MBOAT1: variants seen among roughly 807,000 people sequenced by gnomAD.
MBOAT1 encodes membrane bound glycerophospholipid O-acyltransferase 1.
MBOAT1 carries 67 observed loss-of-function variants against 64.4 expected under a neutral mutation model. The ratio of observed to expected loss-of-function variants is 1.04; its 90% CI spans 0.85 to 1.27. MBOAT1 has a LOEUF of 1.27. Ranked by LOEUF, MBOAT1 falls within the 50% of genes most tolerant of loss-of-function variation. MBOAT1 has a pLI of 0.00. For synonymous variants in MBOAT1, 229 were observed against 218.9 expected, an observed-to-expected ratio of 1.05 and a Z score of -0.41; for missense variants, 563 against 604.6, an observed-to-expected ratio of 0.93 and a Z score of 0.72.
intron 3 of MBOAT1, among the ~76,000 whole-genome samples, chr6:20,147,596 G>A (rs112926771): frequency 1.1e-4 from 17 of 150,802 alleles, no homozygotes; most frequent in African/African-American, 2.9e-4. Flanking sequence ...CCAAGATTGC[G>A]CCATCGCACT....
intron 4 of MBOAT1, among the ~76,000 whole-genome samples, chr6:20,134,347 T>C (rs889913962): frequency 6.6e-6 from 1 of 152,102 alleles, no homozygotes; most frequent in African/African-American, 2.4e-5. Flanking sequence ...AAAGCCATAC[T>C]GTCATTCCTC....
At chr6:20,184,716 C>T (rs1378496913) in intron 1 of MBOAT1, among the ~76,000 whole-genome samples, 1 of 152,104 alleles carries the variant, frequency 6.6e-6, no homozygotes, top group Non-Finnish European at 1.5e-5. Context: ...TCTTACCATT[C>T]TCCCTCTACT....
chr6:20,192,995 CTTTTTTTTTTTTTTTT>C (rs1174816793), intron 1 of MBOAT1, among the ~76,000 whole-genome samples: 3 of 55,046 alleles, frequency 5.4e-5, no homozygotes, highest in African/African-American at 1.9e-4. Flanking sequence ...GCTATAATTT[CTTTTTTTTTTTTTTTT>C]TTTTTTTTTT....
chr6:20,134,936 A>G (rs1760935526), intron 4 of MBOAT1, among the ~76,000 whole-genome samples: 1 of 150,264 alleles, frequency 6.7e-6, no homozygotes, highest in African/African-American at 2.5e-5. Context: ...AAAAAAATAC[A>G]AAACTCAGTA....
chr6:20,177,707 G>A (rs1242137776), intron 1 of MBOAT1, among the ~76,000 whole-genome samples: 1 of 149,944 alleles, frequency 6.7e-6, no homozygotes, highest in Non-Finnish European at 1.5e-5. Context: ...CTGGGAGGCA[G>A]AGCTTGCAGT....
intron 4 of MBOAT1, among the ~76,000 whole-genome samples, chr6:20,141,818 C>T (rs538122532): frequency 1.3e-5 from 2 of 152,018 alleles, no homozygotes; most frequent in African/African-American, 4.8e-5. Flanking sequence ...TGAAGGGCAG[C>T]GGGCGGATTC....
At position 20,101,334 on chromosome 6, in the gene MBOAT1, G is replaced by A. The variant is rs1375992039; in HGVS notation, c.*952C>T. On this transcript the variant is annotated 3_prime_UTR_variant, in exon 13 of 13. Coordinates refer to ENST00000324607, the MANE Select transcript of MBOAT1 (RefSeq NM_001080480.3). The stretch of plus-strand genomic sequence containing the variant: ...TGATTTCCAATCTTGGCTCAGGTCA[G>A]AAGAAAAAGGGGAAAGGTTACATTC... 6.6e-6 allele frequency among the ~76,000 whole-genome samples: 1 copy of A among 152,078 alleles called. No homozygotes were observed. The highest frequency in any genetic ancestry group is 1.9e-4 in the East Asian group (1 of 5,186).
At chr6:20,146,107 A>G (rs929528451) in intron 3 of MBOAT1, among the ~76,000 whole-genome samples, 5 of 152,226 alleles carry the variant, frequency 3.3e-5, no homozygotes, top group Non-Finnish European at 5.9e-5. Flanking sequence ...TGAATACATT[A>G]CACATTTTAA....
intron 1 of MBOAT1, among the ~76,000 whole-genome samples, chr6:20,171,378 A>T (rs2113726078): frequency 7.5e-6 from 1 of 133,998 alleles, no homozygotes; most frequent in Non-Finnish European, 1.6e-5. Flanking sequence ...CTCTACAAAA[A>T]ACTTAAAAAA....
chr6:20,171,445 CAGG>C (rs1419922690), intron 1 of MBOAT1, among the ~76,000 whole-genome samples: 1 of 151,022 alleles, frequency 6.6e-6, no homozygotes, highest in East Asian at 2.0e-4. Context: ...CCCAGCTACT[CAGG>C]AGGCTGAGGC....
chr6:20,165,972 A>T lies in MBOAT1; in HGVS notation c.100-13203T>A, dbSNP rs548844869. ...TTATAAAATTAATGAATGCTCATTT[A>T]AAAAAAATGAACAATACAGAGATGT... is the stretch of plus-strand genomic sequence containing the variant. On this transcript the variant is annotated intron_variant, in intron 1 of 12. Transcript: ENST00000324607. Among the ~76,000 whole-genome samples, 121 of 152,006 alleles carry T rather than the reference A, an allele frequency of 8.0e-4. 1 individual carries two copies. Among genetic ancestry groups the T allele is most frequent in the African/African-American group, 2.7e-3 (110 of 41,454 alleles).
chr6:20,136,652 C>CA (rs1208940546), intron 4 of MBOAT1, among the ~76,000 whole-genome samples: 3 of 152,130 alleles, frequency 2.0e-5, no homozygotes, highest in Non-Finnish European at 4.4e-5. Flanking sequence ...GAGGTACAGG[C>CA]AAGTAATATT....
intron 3 of MBOAT1, among the ~76,000 whole-genome samples, chr6:20,145,464 A>G (rs1761301872): frequency 6.6e-6 from 1 of 152,228 alleles, no homozygotes; most frequent in South Asian, 2.1e-4. Context: ...TGTAAGCTCC[A>G]TGAGGGCAAA....
intron 1 of MBOAT1, among the ~76,000 whole-genome samples, chr6:20,209,696 CA>C (rs1444132941): frequency 2.0e-5 from 3 of 152,188 alleles, no homozygotes; most frequent in Non-Finnish European, 2.9e-5. Context: ...CCAGGCCAAT[CA>C]AAAGTCACTC....
intron 1 of MBOAT1, among the ~76,000 whole-genome samples, chr6:20,176,486 G>C (rs1762345537): frequency 1.3e-5 from 2 of 152,096 alleles, no homozygotes; most frequent in African/African-American, 4.8e-5. Flanking sequence ...CTAGAAAATA[G>C]ACATATGCCC....
At chr6:20,123,634 AG>A (rs1760557261) in intron 8 of MBOAT1, among the ~76,000 whole-genome samples, 1 of 152,188 alleles carries the variant, frequency 6.6e-6, no homozygotes, top group African/African-American at 2.4e-5. Context: ...ACTTGAAGTC[AG>A]CTTCTTTCTA....
chr6:20,196,227 T>A (rs1422116250), intron 1 of MBOAT1, among the ~76,000 whole-genome samples: 1 of 152,180 alleles, frequency 6.6e-6, no homozygotes, highest in Non-Finnish European at 1.5e-5. Flanking sequence ...CCAAATTCTA[T>A]CAAAAGGATT....
chr6:20,134,176 A>C (rs1437816946), intron 4 of MBOAT1, among the ~76,000 whole-genome samples: 2 of 152,148 alleles, frequency 1.3e-5, no homozygotes, highest in South Asian at 4.1e-4. Context: ...CAATTTCCCT[A>C]GCAGGCATTT....
At chr6:20,150,350 C>T (rs1322925948) in intron 3 of MBOAT1, among the ~76,000 whole-genome samples, 1 of 152,018 alleles carries the variant, frequency 6.6e-6, no homozygotes, top group Admixed American at 6.6e-5. Flanking sequence ...TGGAGACATC[C>T]ATCACCCCCT....
Sources: allele counts gnomAD v4.1 joint callset (sites outside exome capture counted in the v4.1 genomes callset), GRCh38; gene constraint gnomAD v4.1.1; transcripts MANE v1.5; gene names NCBI Gene and HGNC (gene_info 2026-07-23, HGNC 2026-07-21).